Variants in PDGFRB observed in about 807,000 individuals in gnomAD.
PDGFRB encodes the protein platelet-derived growth factor receptor beta.
Under a neutral mutation model 120.2 loss-of-function variants are expected in PDGFRB, and 42 were observed. The observed-to-expected ratio is 0.35, with a 90% CI of 0.27 to 0.45. The LOEUF is 0.45. Among genes scored for constraint, PDGFRB ranks in the 20% least tolerant of loss-of-function variants. The pLI, the probability that PDGFRB is intolerant of heterozygous loss-of-function variation, is 1.00. For missense variants in PDGFRB, 1,149 were observed against 1,476.3 expected, an observed-to-expected ratio of 0.78 and a Z score of 3.63; for synonymous variants, 586 against 606.8, an observed-to-expected ratio of 0.97 and a Z score of 0.50.
intron 1 of PDGFRB, among the ~76,000 whole-genome samples, chr5:150,139,786 C>G (rs1431689318): frequency 6.6e-6 from 1 of 151,996 alleles, no homozygotes; most frequent in Non-Finnish European, 1.5e-5. Flanking sequence ...TCGAGACCAA[C>G]CTAGCCAACA....
rs765151152 is a variant in PDGFRB, at chr5:150,118,820, T to C, written c.2831A>G (p.Lys944Arg). The change falls in exon 21 of 23, where the codon AAG becomes AGG. Residue 944 changes from lysine (K) to arginine (R), a missense_variant. Transcript: ENST00000261799. ...GGAGAAGGGGGGCCGAATCTCAAAC[T>C]TCTCTTCCCAGCACTTCTGCATGAT... is the stretch of plus-strand genomic sequence containing the variant. ...YEIMQKCWEE[K>R]FEIRPPFSQL... is the part of the protein sequence containing the mutation. The C allele has an allele frequency of 6.2e-7, 1 of 1,613,106 alleles. No individual in the cohort carries two copies. The highest frequency in any genetic ancestry group is 1.1e-5 in the South Asian group (1 of 91,004).
Position 150,125,575 on chromosome 5 carries a change from C to T in PDGFRB, c.1677G>A (p.Lys559=). ...LIILIMLWQK[K]PRYEIRWKVI... is the part of the protein sequence containing the mutation. The stretch of plus-strand genomic sequence containing the variant: ...CCTTCCATCGGATCTCGTAACGTGG[C>T]TTCTGGAGGACCAACCCCAGGAATT... Residue 559 remains lysine (K), a splice_region_variant and synonymous_variant, in exon 12 of 23, where the codon AAG becomes AAA. Transcript: ENST00000261799. The T allele has an allele frequency of 6.2e-7, 1 of 1,613,892 alleles. No homozygotes were observed. Among genetic ancestry groups the T allele is most frequent in the East Asian group, 2.2e-5 (1 of 44,870 alleles).
chr5:150,121,217 A>T lies in PDGFRB; in HGVS notation c.2450T>A (p.Leu817Gln), dbSNP rs2113889548. 6.4e-7 allele frequency: 1 copy of T among 1,555,360 alleles called. No homozygotes were observed. Among genetic ancestry groups the T allele is most frequent in the Non-Finnish European group, 8.9e-7 (1 of 1,127,330 alleles). Residue 817 changes from leucine (L) to glutamine (Q), a missense_variant, in exon 17 of 23, where the codon CTG becomes CAG. Leu to Gln is a moderately radical substitution (Grantham distance 113). Transcript: ENST00000261799. The surrounding 1 kb of genome is among the most constrained non-coding windows in gnomAD (Gnocchi z 4.1). ...CACCACACGTACGTTCTTGGAGGCC[A>T]GAAACTCCATGCCATTGGCCACCTG... ...SYQVANGMEF[L>Q]ASKNCVHRDL...
At position 150,121,910 on chromosome 5, in the gene PDGFRB, T is replaced by C. The variant is rs1760147764; in HGVS notation, c.2314A>G (p.Met772Val). Reference protein sequence around the residue: ...KYADIESSNYMAPYDNYVPSA... With the variant: ...KYADIESSNYVAPYDNYVPSA... ...GGAACGTAGTTATCGTAAGGGGCCA[T>C]GTAGTTGGAGGACTCGATGTCTGCA... The change falls in exon 16 of 23, where the codon ATG becomes GTG. Residue 772 changes from methionine to valine, a missense_variant. Around this residue, in one of 3 missense-constraint regions of PDGFRB, gnomAD observed 879 missense variants for 1,108.6 expected, o/e 0.79. Coordinates refer to ENST00000261799, the MANE Select transcript of PDGFRB (RefSeq NM_002609.4). The surrounding 1 kb of genome is among the most constrained non-coding windows in gnomAD (Gnocchi z 4.1). 1.4e-5 allele frequency: 22 copies of C among 1,613,532 alleles called. No homozygotes were observed. The highest frequency in any genetic ancestry group is 1.8e-5 in the Non-Finnish European group (21 of 1,179,456).
At chr5:150,131,069 AT>A (rs946755310) in intron 8 of PDGFRB, among the ~76,000 whole-genome samples, 1 of 152,200 alleles carries the variant, frequency 6.6e-6, no homozygotes, top group East Asian at 1.9e-4. Flanking sequence ...GAGAGGTTAC[AT>A]TTTGTCTTTC....
At position 150,134,992 on chromosome 5, in the gene PDGFRB, T is replaced by C. The variant is rs1562011365; in HGVS notation, c.389A>G (p.Asn130Ser). 2 of 1,605,086 alleles carry C rather than the reference T, an allele frequency of 1.2e-6. No homozygotes were observed. The highest frequency in any genetic ancestry group is 8.5e-7 in the Non-Finnish European group (1 of 1,173,380). The change falls in exon 4 of 23, where the codon AAT (asparagine) becomes AGT (serine). Residue 130 changes from asparagine to serine, a missense_variant. Physicochemically the swap from Asn to Ser is conservative, Grantham distance 46. This residue lies in a region of PDGFRB where 879 missense variants were observed against 1,108.6 expected (regional missense o/e 0.79). Transcript: ENST00000261799. ...VPDPTVGFLP[N>S]DAEELFIFLT... ...AAAGATGAATAGTTCCTCGGCATCATTAGGGAGGAAGCCCACGGTGGGATC... is the reference window on the plus strand; with the variant it reads ...AAAGATGAATAGTTCCTCGGCATCACTAGGGAGGAAGCCCACGGTGGGATC...
At chr5:150,140,450 T>C (rs530895766) in intron 1 of PDGFRB, among the ~76,000 whole-genome samples, 73 of 152,322 alleles carry the variant, frequency 4.8e-4, no homozygotes, top group Non-Finnish European at 8.7e-4. Context: ...TGTCCCCCTT[T>C]TGCCCATGAA....
intron 1 of PDGFRB, among the ~76,000 whole-genome samples, chr5:150,151,156 T>G (rs1761066265): frequency 2.0e-5 from 3 of 152,214 alleles, no homozygotes; most frequent in African/African-American, 7.2e-5. Context: ...ATTGTGAAAT[T>G]AAATATGCAT....
chr5:150,133,883 C>T lies in PDGFRB; in HGVS notation c.757G>A (p.Glu253Lys). ...VNFEWTYPRK[E>K]SGRLVEPVTD... ...ACCCCTGCCTGGCCCCACATTACTT[C>T]TTTGCGGGGGTATGTCCACTCGAAG... is the stretch of plus-strand genomic sequence containing the variant. The change falls in exon 5 of 23, where the codon GAA (glutamate) becomes AAA (lysine). Residue 253 changes from glutamate (E) to lysine (K), a missense_variant and splice_region_variant. Around this residue, in one of 3 missense-constraint regions of PDGFRB, gnomAD observed 879 missense variants for 1,108.6 expected, o/e 0.79. Coordinates refer to ENST00000261799, the MANE Select transcript of PDGFRB (RefSeq NM_002609.4). The T allele has an allele frequency of 1.9e-6, 3 of 1,614,184 alleles. No homozygotes were observed. The highest frequency in any genetic ancestry group is 2.5e-6 in the Non-Finnish European group (3 of 1,180,026).
chr5:150,124,231 G>A lies in PDGFRB; in HGVS notation c.2023+19C>T, dbSNP rs1286990266. On this transcript the variant is annotated intron_variant, in intron 14 of 22. Transcript: ENST00000261799. ...GGTGGGCACTTTCCCTGAGGCCTCT[G>A]GGGCAGTGGGCTCGGTACCTCCTTT... 1 of 1,566,876 alleles carries A rather than the reference G, an allele frequency of 6.4e-7. No homozygotes were observed.
chr5:150,154,422 G>A (rs997978980), intron 1 of PDGFRB, among the ~76,000 whole-genome samples: 1 of 152,158 alleles, frequency 6.6e-6, no homozygotes, highest in Non-Finnish European at 1.5e-5. Context: ...AGTTCCTCAT[G>A]TATAAAACGG....
chr5:150,127,307 G>A (rs905070904), intron 10 of PDGFRB, among the ~76,000 whole-genome samples: 22 of 152,152 alleles, frequency 1.4e-4, no homozygotes, highest in Admixed American at 4.6e-4. Context: ...ATCCAGCCCC[G>A]CCAGACCTGC....
rs1002484170 is a variant in PDGFRB, at chr5:150,121,626, G to A, written c.2344+254C>T. Among the ~76,000 whole-genome samples the A allele has an allele frequency of 6.6e-6, 1 of 152,152 alleles. No homozygotes were observed. The highest frequency in any genetic ancestry group is 1.5e-5 in the Non-Finnish European group (1 of 68,024). Reference sequence around the variant, plus strand: ...CTGAGTAGATCACTTTCCCTACCACGACAAAAGGCCAGGTCCTCCCATATC... The same window carrying A: ...CTGAGTAGATCACTTTCCCTACCACAACAAAAGGCCAGGTCCTCCCATATC... On this transcript the variant is annotated intron_variant, in intron 16 of 22. Coordinates refer to ENST00000261799, the MANE Select transcript of PDGFRB (RefSeq NM_002609.4). This position sits in a 1 kb window ranked among gnomAD's most constrained non-coding sequence, Gnocchi z 4.1.
Position 150,116,470 on chromosome 5 carries a change from G to A in PDGFRB, c.3138-524C>T, listed in dbSNP as rs370284978. ...ACTAAAAATACAAAATTAGCCAGGC[G>A]TGGTGCTGCATGCCTGTAATTCCAG... is the stretch of plus-strand genomic sequence containing the variant. On this transcript the variant is annotated intron_variant, in intron 22 of 22. Coordinates refer to ENST00000261799, the MANE Select transcript of PDGFRB (RefSeq NM_002609.4). Among the ~76,000 whole-genome samples, 7 of 152,108 alleles carry A rather than the reference G, an allele frequency of 4.6e-5. No homozygotes were observed. The East Asian group carries it at 9.7e-4, about 21-fold the overall frequency.
At chr5:150,141,905 G>A (rs1178386700) in intron 1 of PDGFRB, among the ~76,000 whole-genome samples, 1 of 152,048 alleles carries the variant, frequency 6.6e-6, no homozygotes. Flanking sequence ...GGGATGTTCA[G>A]TCTGGAGGCC....
rs1221364318 is a variant in PDGFRB, at chr5:150,135,561, C to A, written c.358G>T (p.Val120Leu). The change falls in exon 3 of 23, where the codon GTG (valine) becomes TTG (leucine). Residue 120 changes from valine (V) to leucine (L), a missense_variant. Transcript: ENST00000261799. ...ACAGGCTGGGAGCCCTTACCTGGCA[C>A]AAAGATGTAGAGCCGTTTCCGCTCA... is the stretch of plus-strand genomic sequence containing the variant. ...TDERKRLYIF[V>L]PDPTVGFLPN... The A allele has an allele frequency of 6.3e-7, 1 of 1,599,690 alleles. No homozygotes were observed. The highest frequency in any genetic ancestry group is 1.1e-5 in the South Asian group (1 of 88,600).
chr5:150,134,152 T>A, intron 4 of PDGFRB, 144 bp from the exon 5 acceptor site: 1 of 742,050 alleles, frequency 1.3e-6, no homozygotes, highest in Non-Finnish European at 2.3e-6. Context: ...ACTGAATACC[T>A]ACTACATGCC....
In PDGFRB at chr5:150,135,703, T is replaced by A; in HGVS notation, c.216A>T (p.Glu72Asp). 1 of 1,614,136 alleles carries A rather than the reference T, an allele frequency of 6.2e-7. No homozygotes were observed. The highest frequency in any genetic ancestry group is 8.5e-7 in the Non-Finnish European group (1 of 1,179,998). Residue 72 changes from glutamate to aspartate, a missense_variant, in exon 3 of 23, where the codon GAA becomes GAT. Glu to Asp is a conservative substitution (Grantham distance 45). Around this residue, in one of 3 missense-constraint regions of PDGFRB, gnomAD observed 879 missense variants for 1,108.6 expected, o/e 0.79. Transcript: ENST00000261799. Reference sequence around the variant, plus strand: ...AGGTGCCATCCTGGGCCTTGGCCATTTCCTGTGGGGGCTCCTGGGACATCC... The same window carrying A: ...AGGTGCCATCCTGGGCCTTGGCCATATCCTGTGGGGGCTCCTGGGACATCC... Reference protein sequence around the residue: ...WERMSQEPPQEMAKAQDGTFS... With the variant: ...WERMSQEPPQDMAKAQDGTFS...
Position 150,134,874 on chromosome 5 carries a change from C to G in PDGFRB, c.507G>C (p.Leu169=), listed in dbSNP as rs760648858. ...CACGTTGGTGATCATAGGGGACAGG[C>G]AGTGCAACGTCCCCTTTCTTCTCGT... ...TLHEKKGDVA[L]PVPYDHQRGF... is the part of the protein sequence containing the mutation. The change falls in exon 4 of 23, where the codon CTG becomes CTC. Residue 169 remains leucine, a synonymous_variant. Transcript: ENST00000261799. The G allele has an allele frequency of 6.2e-7, 1 of 1,614,078 alleles. No homozygotes were observed. The highest frequency in any genetic ancestry group is 8.5e-7 in the Non-Finnish European group (1 of 1,179,894).
Sources: allele counts gnomAD v4.1 joint callset (sites outside exome capture counted in the v4.1 genomes callset), GRCh38; gene constraint gnomAD v4.1.1; regional missense constraint gnomAD v4.1.1; non-coding constraint Gnocchi (gnomAD v3.1); transcripts MANE v1.5; gene names NCBI Gene and HGNC (gene_info 2026-07-23, HGNC 2026-07-21).